The following CHSY3 variants were observed in gnomAD, a reference collection of about 807,000 sequenced individuals.
CHSY3 encodes the protein chondroitin sulfate synthase 3.
In CHSY3, 35 loss-of-function variants were observed where a neutral mutation model predicts 67.2. That is an observed-to-expected ratio of 0.52 (90% CI 0.40 to 0.69). The LOEUF (loss-of-function observed/expected upper bound fraction) is 0.69, where lower values mean the gene tolerates loss of function less well. Among genes scored for constraint, CHSY3 ranks in the 30% least tolerant of loss-of-function variants. CHSY3 has a pLI of 0.00. For synonymous variants in CHSY3, 474 were observed against 434.7 expected (o/e 1.09, Z -1.12); for missense variants, 1,069 against 1,138.5 (o/e 0.94, Z 0.88).
rs188588380 is a variant in CHSY3, at chr5:130,060,114, A to G, written c.1087-124115A>G. 1.7e-4 allele frequency among the ~76,000 whole-genome samples: 26 copies of G among 152,264 alleles called. No individual in the cohort carries two copies. In the East Asian group the frequency reaches 4.3e-3, roughly 25 times the overall value. ...ACCAAAATCGGGCAAGAACACAACA[A>G]AAAGAGAAAACTACAAGGCAACATC... On this transcript the variant is annotated intron_variant, in intron 2 of 2. Coordinates refer to ENST00000305031, the MANE Select transcript of CHSY3 (RefSeq NM_175856.5).
At chr5:130,093,119 A>G (rs1231265065) in intron 2 of CHSY3, among the ~76,000 whole-genome samples, 1 of 152,190 alleles carries the variant, frequency 6.6e-6, no homozygotes, top group East Asian at 1.9e-4. Flanking sequence ...CTATGGGACA[A>G]TTGGGTTAGT....
At chr5:129,937,387 A>G (rs1168176789) in intron 2 of CHSY3, among the ~76,000 whole-genome samples, 2 of 152,158 alleles carry the variant, frequency 1.3e-5, no homozygotes, top group African/African-American at 4.8e-5. Context: ...CCATCATTCA[A>G]TCACCTCCCA....
chr5:129,908,401 A>G (rs771391491), intron 2 of CHSY3, 41 bp downstream of exon 2: 1 of 1,594,080 alleles, frequency 6.3e-7, no homozygotes, highest in Admixed American at 1.7e-5. Flanking sequence ...CATAGTACAT[A>G]TACATGCCAT....
At chr5:129,917,618 T>A (rs1760772215) in intron 2 of CHSY3, among the ~76,000 whole-genome samples, 1 of 152,258 alleles carries the variant, frequency 6.6e-6, no homozygotes, top group African/African-American at 2.4e-5. Context: ...AAAGGTTAAC[T>A]ATTATTACTA....
intron 2 of CHSY3, among the ~76,000 whole-genome samples, chr5:130,116,229 T>C (rs1457300076): frequency 6.6e-6 from 1 of 152,184 alleles, no homozygotes; most frequent in African/African-American, 2.4e-5. Flanking sequence ...CCCACAGCCT[T>C]AGGCAATCAT....
chr5:130,178,227 T>TATATA (rs1561571814), intron 2 of CHSY3, among the ~76,000 whole-genome samples: 20 of 65,814 alleles, frequency 3.0e-4, no homozygotes, highest in Non-Finnish European at 4.4e-4. Flanking sequence ...ATATTTATAT[T>TATATA]TATATATATA....
intron 2 of CHSY3, among the ~76,000 whole-genome samples, chr5:130,126,973 C>G (rs62393182): frequency 0.19 from 29,461 of 151,992 alleles, 3,599 homozygotes; most frequent in African/African-American, 0.32. Flanking sequence ...CTATGCTAAT[C>G]CTTTTTGGCT....
At chr5:129,923,291 A>C (rs999792664) in intron 2 of CHSY3, among the ~76,000 whole-genome samples, 11 of 152,168 alleles carry the variant, frequency 7.2e-5, no homozygotes, top group African/African-American at 2.7e-4. Flanking sequence ...AAAAAGAAAA[A>C]AAATAATATT....
intron 2 of CHSY3, among the ~76,000 whole-genome samples, chr5:129,999,060 A>T (rs1022777846): frequency 2.0e-5 from 3 of 151,732 alleles, no homozygotes; most frequent in African/African-American, 7.3e-5. Context: ...AAAATGTTTA[A>T]AACCCTGATC....
chr5:129,964,899 A>G (rs1180968436), intron 2 of CHSY3, among the ~76,000 whole-genome samples: 1 of 151,850 alleles, frequency 6.6e-6, no homozygotes, highest in Non-Finnish European at 1.5e-5. Flanking sequence ...TGATTTTTTC[A>G]TTCCCCATCT....
At chr5:130,060,005 A>G in intron 2 of CHSY3, among the ~76,000 whole-genome samples, 1 of 152,058 alleles carries the variant, frequency 6.6e-6, no homozygotes, top group East Asian at 1.9e-4. Flanking sequence ...AAAAACTGGT[A>G]CCGGTCTTAC....
intron 2 of CHSY3, among the ~76,000 whole-genome samples, chr5:130,054,899 C>A (rs975263644): frequency 5.3e-5 from 8 of 152,134 alleles, no homozygotes; most frequent in African/African-American, 1.9e-4. Context: ...TCTGATCCTA[C>A]CTAATGTAGT....
chr5:129,929,543 G>C (rs1761230315), intron 2 of CHSY3, among the ~76,000 whole-genome samples: 1 of 152,112 alleles, frequency 6.6e-6, no homozygotes, highest in African/African-American at 2.4e-5. Flanking sequence ...AGTGGAACAT[G>C]TTCCTTGTTC....
In CHSY3 at chr5:129,905,453, C is replaced by T. The variant is rs753047975; in HGVS notation, c.624C>T (p.Ser208=). 2 of 1,612,358 alleles carry T rather than the reference C, an allele frequency of 1.2e-6. No homozygotes were observed. Among genetic ancestry groups the T allele is most frequent in the East Asian group, 4.5e-5 (2 of 44,862 alleles). Residue 208 remains serine (S), a synonymous_variant, in exon 1 of 3, where the codon AGC becomes AGT. Transcript: ENST00000305031. ...CGGGCCGCGTGGAGTTCTTTTCCAG[C>T]CAGCAGCCCCCCAACGCCGGCCAGC... ...FIPGRVEFFS[S]QQPPNAGQPP...
intron 2 of CHSY3, among the ~76,000 whole-genome samples, chr5:129,920,500 TCTCAAAGTG>T (rs1760885366): frequency 6.6e-6 from 1 of 152,154 alleles, no homozygotes; most frequent in Non-Finnish European, 1.5e-5. Flanking sequence ...CACCTTGGCC[TCTCAAAGTG>T]CTGGGATTAC....
rs2015018 is a variant in CHSY3 at position 130,185,433 on chromosome 5, A to T, written c.2291A>T (p.Asp764Val). The change falls in exon 3 of 3, where the codon GAT becomes GTT. Residue 764 changes from aspartate to valine, a missense_variant. Coordinates refer to ENST00000305031, the MANE Select transcript of CHSY3 (RefSeq NM_175856.5). ...AACGGGGGAAATCCTCCCACTGATGATTACTTCATATTCTCAAAAAAGACT... is the reference window on the plus strand; with the variant it reads ...AACGGGGGAAATCCTCCCACTGATGTTTACTTCATATTCTCAAAAAAGACT... ...VTNGGNPPTD[D>V]YFIFSKKTGF... 6.2e-7 allele frequency: 1 copy of T among 1,613,690 alleles called. No homozygotes were observed. The highest frequency in any genetic ancestry group is 1.3e-5 in the African/African-American group (1 of 74,936).
intron 2 of CHSY3, among the ~76,000 whole-genome samples, chr5:130,082,666 G>A (rs10491274): frequency 0.015 from 2,294 of 151,932 alleles, 37 homozygotes; most frequent in Non-Finnish European, 0.023. Context: ...ATTCCCAAAG[G>A]TTATGTATGG....
At chr5:129,986,718 C>A (rs1763214363) in intron 2 of CHSY3, among the ~76,000 whole-genome samples, 1 of 152,178 alleles carries the variant, frequency 6.6e-6, no homozygotes, top group African/African-American at 2.4e-5. Flanking sequence ...TCTTGGTTCA[C>A]TGCAGCCTCC....
chr5:130,143,907 A>G (rs1297301809), intron 2 of CHSY3, among the ~76,000 whole-genome samples: 2 of 144,242 alleles, frequency 1.4e-5, no homozygotes, highest in African/African-American at 2.5e-5. Context: ...AATCAATTGT[A>G]TACTTTTACT....
Sources: gnomAD v4.1 joint callset for allele counts (sites outside exome capture counted in the v4.1 genomes callset) on GRCh38, gnomAD v4.1.1 for gene constraint, MANE v1.5 for transcripts, NCBI Gene and HGNC (gene_info 2026-07-23, HGNC 2026-07-21) for gene names.